Variants in NAV3 observed in about 807,000 individuals in gnomAD.
The protein encoded by NAV3 is pore membrane and/or filament interacting like protein 1.
Under a neutral mutation model 244.7 loss-of-function variants are expected in NAV3, and 87 were observed. The ratio of observed to expected loss-of-function variants is 0.36; its 90% CI spans 0.30 to 0.42. The LOEUF (loss-of-function observed/expected upper bound fraction) is 0.42. Ranked by LOEUF, NAV3 falls within the 20% of genes least tolerant of loss-of-function variation. The probability of loss-of-function intolerance (pLI) is 1.00; values close to 1 mark genes in which losing one functional copy is unlikely to be tolerated. For missense variants in NAV3, 2,663 were observed against 2,893.3 expected (o/e 0.92, Z 1.83); for synonymous variants, 1,126 against 1,042.2 (o/e 1.08, Z -1.55).
At chr12:78,196,856 A>G (rs1030174936) in intron 34 of NAV3, among the ~76,000 whole-genome samples, 1 of 151,930 alleles carries the variant, frequency 6.6e-6, no homozygotes, top group Non-Finnish European at 1.5e-5. Flanking sequence ...GCTAAAATTT[A>G]CTTTTATCAT....
chr12:77,851,675 C>A (rs1271329001), intron 1 of NAV3, among the ~76,000 whole-genome samples: 1 of 152,042 alleles, frequency 6.6e-6, no homozygotes, highest in Non-Finnish European at 1.5e-5. Context: ...GCTATTATCT[C>A]AAAAATGCAT....
intron 2 of NAV3, among the ~76,000 whole-genome samples, chr12:77,641,088 C>T (rs935509981): frequency 1.3e-5 from 2 of 152,026 alleles, no homozygotes; most frequent in Non-Finnish European, 2.9e-5. Flanking sequence ...ATTCCTATGC[C>T]TCTCTGGGCC....
intron 9 of NAV3, among the ~76,000 whole-genome samples, chr12:78,028,818 T>G (rs1878499284): frequency 6.6e-6 from 1 of 152,230 alleles, no homozygotes; most frequent in Non-Finnish European, 1.5e-5. Flanking sequence ...GCTGAAATTA[T>G]TATCAAAAAC....
At chr12:77,869,902 T>A (rs1206210097) in intron 1 of NAV3, among the ~76,000 whole-genome samples, 2 of 152,218 alleles carry the variant, frequency 1.3e-5, no homozygotes, top group Non-Finnish European at 2.9e-5. Context: ...ATGAATGAAT[T>A]AATGCATGAC....
chr12:77,576,304 G>A (rs1236210423), intron 2 of NAV3, among the ~76,000 whole-genome samples: 1 of 151,928 alleles, frequency 6.6e-6, no homozygotes, highest in African/African-American at 2.4e-5. Flanking sequence ...TGAAAATCAA[G>A]TTTAAGCGGA....
intron 1 of NAV3, among the ~76,000 whole-genome samples, chr12:77,900,469 A>T (rs1439098247): frequency 6.6e-6 from 1 of 152,162 alleles, no homozygotes; most frequent in Admixed American, 6.5e-5. Context: ...TAATTCACTT[A>T]GGATAATGGC....
At chr12:77,587,541 T>C in intron 2 of NAV3, among the ~76,000 whole-genome samples, 1 of 152,178 alleles carries the variant, frequency 6.6e-6, no homozygotes, top group Admixed American at 6.5e-5. Flanking sequence ...AAAATGTTAA[T>C]CAGCAAAGGA....
intron 2 of NAV3, among the ~76,000 whole-genome samples, chr12:77,778,731 A>G (rs143006218): frequency 6.6e-6 from 1 of 152,306 alleles, no homozygotes; most frequent in East Asian, 1.9e-4. Context: ...CAAATGGAAA[A>G]TTGTCTTTAA....
intron 2 of NAV3, among the ~76,000 whole-genome samples, chr12:77,766,478 T>G (rs1869757165): frequency 1.3e-5 from 2 of 152,180 alleles, no homozygotes; most frequent in South Asian, 2.1e-4. Context: ...AAATACACAT[T>G]CATCAACTTG....
chr12:77,720,777 T>G (rs1876585801), intron 2 of NAV3, among the ~76,000 whole-genome samples: 1 of 152,082 alleles, frequency 6.6e-6, no homozygotes, highest in South Asian at 2.1e-4. Context: ...CTCACTGAGG[T>G]GTAGGAGCCT....
In NAV3 at chr12:77,689,889, G is replaced by T. The variant is rs1356374999; in HGVS notation, c.72+117623G>T. ...ACTGGAAGTAATTATTGCAAAGTCA[G>T]CAGTTAATGATAGCATGTTAAATAT... is the stretch of plus-strand genomic sequence containing the variant. On this transcript the variant is annotated intron_variant, in intron 2 of 8. Transcript: ENST00000550042. Among the ~76,000 whole-genome samples, 7 of 151,882 alleles carry T rather than the reference G, an allele frequency of 4.6e-5. No homozygotes were observed. The East Asian group carries it at 1.4e-3, about 29-fold the overall frequency.
At chr12:78,127,838 A>G (rs1000988172) in intron 17 of NAV3, among the ~76,000 whole-genome samples, 1 of 75,002 alleles carries the variant, frequency 1.3e-5, no homozygotes, top group Admixed American at 1.5e-4. Context: ...TTAAATCTGA[A>G]TTAATCTAAT....
At chr12:77,600,813 T>C (rs1199999553) in intron 2 of NAV3, among the ~76,000 whole-genome samples, 4 of 151,958 alleles carry the variant, frequency 2.6e-5, no homozygotes, top group South Asian at 2.1e-4. Context: ...CTAGCAGACA[T>C]TGGGCTCTGG....
At position 77,770,786 on chromosome 12, in the gene NAV3, G is replaced by C. The variant is rs12229553; in HGVS notation, c.73-169533G>C. Reference sequence around the variant, plus strand: ...TTCAAGATGGATTAAAGACTTAAACGTTAGACCTAAAACCATAAAACCCCT... The same window carrying C: ...TTCAAGATGGATTAAAGACTTAAACCTTAGACCTAAAACCATAAAACCCCT... On this transcript the variant is annotated intron_variant, in intron 2 of 8. Coordinates refer to the NAV3 transcript ENST00000550042. 3.5e-4 allele frequency among the ~76,000 whole-genome samples: 54 copies of C among 152,244 alleles called. No individual in the cohort carries two copies. The East Asian group carries it at 9.8e-3, about 28-fold the overall frequency.
At chr12:77,620,205 C>T (rs933777761) in intron 2 of NAV3, among the ~76,000 whole-genome samples, 3 of 152,164 alleles carry the variant, frequency 2.0e-5, no homozygotes, top group Non-Finnish European at 4.4e-5. Flanking sequence ...CCTTGGGCAA[C>T]TTGTCTCCTC....
intron 2 of NAV3, among the ~76,000 whole-genome samples, chr12:77,722,107 C>T (rs991220742): frequency 1.3e-5 from 2 of 152,016 alleles, no homozygotes; most frequent in South Asian, 2.1e-4. Context: ...AAAAAAGCAA[C>T]GAAGCCCACA....
chr12:77,810,469 C>A (rs1034291642), intron 2 of NAV3, among the ~76,000 whole-genome samples: 8 of 152,262 alleles, frequency 5.3e-5, no homozygotes, highest in African/African-American at 1.9e-4. Context: ...CAGCGCCTGA[C>A]CCCCATTATA....
At position 77,952,068 on chromosome 12, in the gene NAV3, TAA is replaced by T. The variant is rs35164374; in HGVS notation, c.414+10950_414+10951del. Reference sequence around the variant, plus strand: ...GGTACCCTAGATCTTAAAGTATAATTAAAAAAAAAAAAAAAACAGGTTGTTTG... The same window carrying T: ...GGTACCCTAGATCTTAAAGTATAATTAAAAAAAAAAAAAACAGGTTGTTTG... On this transcript the variant is annotated intron_variant, in intron 3 of 39. Coordinates refer to ENST00000397909, the MANE Select transcript of NAV3 (RefSeq NM_001024383.2). Among the ~76,000 whole-genome samples the T allele has an allele frequency of 8.0e-3, 1,116 of 140,052 alleles. 10 individuals carry two copies. The highest frequency in any genetic ancestry group is 0.027 in the African/African-American group (1,025 of 38,016). 91.9% of individuals were successfully genotyped at this position (140,052 alleles called of 152,430 possible).
intron 1 of NAV3, among the ~76,000 whole-genome samples, chr12:77,883,728 GT>G (rs1882950356): frequency 6.6e-6 from 1 of 152,146 alleles, no homozygotes; most frequent in African/African-American, 2.4e-5. Context: ...GATAAAGAGA[GT>G]TTTTTCCTCT....
Sources: gnomAD v4.1 joint callset for allele counts (sites outside exome capture counted in the v4.1 genomes callset) on GRCh38, gnomAD v4.1.1 for gene constraint, MANE v1.5 for transcripts, NCBI Gene and HGNC (gene_info 2026-07-23, HGNC 2026-07-21) for gene names.